The following B4GALT6 variants were observed in gnomAD, a reference collection of about 807,000 sequenced individuals.
B4GALT6 encodes UDP-Gal:beta-GlcNAc beta-1,4-galactosyltransferase 6.
Under a neutral mutation model 46.3 loss-of-function variants are expected in B4GALT6, and 14 were observed. That is an observed-to-expected ratio of 0.30 (90% CI 0.20 to 0.47). The LOEUF (loss-of-function observed/expected upper bound fraction) is 0.47. B4GALT6 is among the 20% of genes least tolerant of loss of function. The pLI, the probability that B4GALT6 is intolerant of heterozygous loss-of-function variation, is 0.99. For synonymous variants in B4GALT6, 168 were observed against 162.0 expected, an observed-to-expected ratio of 1.04 and a Z score of -0.28; for missense variants, 386 against 480.1, an observed-to-expected ratio of 0.80 and a Z score of 1.83.
At chr18:31,648,134 C>A (rs2074015420) in intron 3 of B4GALT6, among the ~76,000 whole-genome samples, 1 of 152,190 alleles carries the variant, frequency 6.6e-6, no homozygotes, top group African/African-American at 2.4e-5. Context: ...ATCCACTGAA[C>A]TCCATGGAGA....
At chr18:31,629,186 A>G (rs1330587629) in intron 6 of B4GALT6, among the ~76,000 whole-genome samples, 1 of 152,142 alleles carries the variant, frequency 6.6e-6, no homozygotes, top group Non-Finnish European at 1.5e-5. Flanking sequence ...TCAATTGTTT[A>G]TATTATTGGT....
At chr18:31,693,145 C>T in the B4GALT6 span, among the ~76,000 whole-genome samples, 3 of 152,154 alleles carry the variant, frequency 2.0e-5, no homozygotes, top group Non-Finnish European at 4.4e-5. Context: ...TTGTTTGTAC[C>T]TTAACTTTGG....
the B4GALT6 span, among the ~76,000 whole-genome samples, chr18:31,698,804 T>C: frequency 1.8e-4 from 27 of 151,942 alleles, no homozygotes; most frequent in African/African-American, 5.5e-4. Context: ...GCACAGTGAC[T>C]CATGCCTGTA....
chr18:31,626,896 C>CT, intron 7 of B4GALT6, 103 bp downstream of exon 7: 1 of 967,854 alleles, frequency 1.0e-6, no homozygotes, highest in Non-Finnish European at 1.5e-6. Context: ...CAAACATATC[C>CT]CATCCCAAAG....
intron 1 of B4GALT6, among the ~76,000 whole-genome samples, chr18:31,669,612 A>G (rs1015428084): frequency 3.3e-5 from 5 of 152,220 alleles, no homozygotes; most frequent in African/African-American, 1.2e-4. Context: ...CATGGAAGAA[A>G]AGAGACGAAG....
At position 31,625,444 on chromosome 18, in the gene B4GALT6, GGT is replaced by G; in HGVS notation, c.*168_*169del. On this transcript the variant is annotated 3_prime_UTR_variant, in exon 9 of 9. Transcript: ENST00000306851. The stretch of plus-strand genomic sequence containing the variant: ...GGTGTGTCTCAGAGCAGGGAGGACG[GGT>G]GAGAGAAGGGTGACTGTATATAGTC... 2 of 622,068 alleles carry G rather than the reference GGT, an allele frequency of 3.2e-6. No individual in the cohort carries two copies. The highest frequency in any genetic ancestry group is 5.2e-6 in the Non-Finnish European group (2 of 381,986). 38.5% of individuals were successfully genotyped at this position (622,068 alleles called of 1,614,324 possible). A position where few individuals can be genotyped will look rare whatever the true frequency, so the allele number is the denominator to read the frequency against.
intron 1 of B4GALT6, among the ~76,000 whole-genome samples, chr18:31,674,708 T>A (rs1389043110): frequency 6.6e-6 from 1 of 152,210 alleles, no homozygotes; most frequent in East Asian, 1.9e-4. Flanking sequence ...AAGGAAAATA[T>A]GTTATCTTCA....
At chr18:31,636,286 T>C (rs1165000190) in intron 5 of B4GALT6, among the ~76,000 whole-genome samples, 1 of 152,144 alleles carries the variant, frequency 6.6e-6, no homozygotes, top group Non-Finnish European at 1.5e-5. Flanking sequence ...ACATTGGACT[T>C]CATCAAAATT....
intron 3 of B4GALT6, among the ~76,000 whole-genome samples, chr18:31,654,745 G>C (rs995689269): frequency 6.6e-6 from 1 of 152,140 alleles, no homozygotes; most frequent in Non-Finnish European, 1.5e-5. Context: ...TTTCATCTAA[G>C]TAGATCTAAT....
chr18:31,675,994 A>C (rs1414065698), intron 1 of B4GALT6, among the ~76,000 whole-genome samples: 1 of 152,198 alleles, frequency 6.6e-6, no homozygotes, highest in East Asian at 1.9e-4. Flanking sequence ...GAATCAGAGA[A>C]GGGAACTGGG....
intron 1 of B4GALT6, among the ~76,000 whole-genome samples, chr18:31,667,912 T>C (rs983824710): frequency 1.3e-5 from 2 of 152,038 alleles, no homozygotes; most frequent in African/African-American, 2.4e-5. Flanking sequence ...CTGGCCAACA[T>C]GGTGAAACCC....
rs906715504 is a variant in B4GALT6, at chr18:31,627,140, G to A, written c.777-19C>T. ...TGGAAGACTAGAAAAGAAAGACACA[G>A]TATTCTAAAAATAAAATCATAATAA... On this transcript the variant is annotated intron_variant, in intron 6 of 8. Coordinates refer to ENST00000306851, the MANE Select transcript of B4GALT6 (RefSeq NM_004775.5). 3 of 1,571,078 alleles carry A rather than the reference G, an allele frequency of 1.9e-6. No homozygotes were observed. Among genetic ancestry groups the A allele is most frequent in the Non-Finnish European group, 2.6e-6 (3 of 1,163,642 alleles).
chr18:31,627,356 A>G (rs1598861353), intron 6 of B4GALT6, among the ~76,000 whole-genome samples: 4 of 152,158 alleles, frequency 2.6e-5, no homozygotes, highest in Non-Finnish European at 5.9e-5. Flanking sequence ...TAAATTTAAT[A>G]TTTAGTATAC....
chr18:31,717,026 G>A, the B4GALT6 span, among the ~76,000 whole-genome samples: 8 of 152,056 alleles, frequency 5.3e-5, no homozygotes, highest in South Asian at 1.7e-3. Context: ...TTGAATCTGG[G>A]GGTGGGGCGG....
chr18:31,688,377 CT>C (rs1418055277), upstream of B4GALT6, among the ~76,000 whole-genome samples: 1 of 151,192 alleles, frequency 6.6e-6, no homozygotes, highest in African/African-American at 2.4e-5. Flanking sequence ...ATATTGGTCC[CT>C]GTATCTTATT....
chr18:31,658,751 T>C (rs1454166029), intron 2 of B4GALT6, among the ~76,000 whole-genome samples: 1 of 152,208 alleles, frequency 6.6e-6, no homozygotes, highest in Non-Finnish European at 1.5e-5. Context: ...AGCTGTGTGA[T>C]ACAGGGCAGG....
Position 31,638,746 on chromosome 18 carries a change from A to C in B4GALT6, c.486T>G (p.Ile162Met). 2.5e-6 allele frequency: 4 copies of C among 1,613,244 alleles called. No individual in the cohort carries two copies. Among genetic ancestry groups the C allele is most frequent in the Non-Finnish European group, 3.4e-6 (4 of 1,179,194 alleles). The stretch of plus-strand genomic sequence containing the variant: ...GATGTTCATGGCGATTACGGAAAGG[A>C]ATGAGAACTGCCACCTTTAAAACAA... ...CKPRWKVAVL[I>M]PFRNRHEHLP... The change falls in exon 5 of 9, where the codon ATT becomes ATG. Residue 162 changes from isoleucine (I) to methionine (M), a missense_variant. Physicochemically the swap from Ile to Met is conservative, Grantham distance 10. Around this residue, in one of 2 missense-constraint regions of B4GALT6, gnomAD observed 323 missense variants for 438.9 expected, o/e 0.74. Coordinates refer to ENST00000306851, the MANE Select transcript of B4GALT6 (RefSeq NM_004775.5).
At position 31,666,275 on chromosome 18, in the gene B4GALT6, GT is replaced by G; in HGVS notation, c.212del (p.Asn71ThrfsTer53). ...GHMIRLYTNK[N>X]STLNGTDYPE... Reference sequence around the variant, plus strand: ...TCTTACCTGTACCGTTGAGCGTACTGTTTTTATTTGTGTACAGCCTGATCAT... The same window carrying G: ...TCTTACCTGTACCGTTGAGCGTACTGTTTTATTTGTGTACAGCCTGATCAT... On this transcript the variant is annotated frameshift_variant, in exon 2 of 9. Transcript: ENST00000306851. LOFTEE classifies it high-confidence loss of function. 1.3e-6 allele frequency: 2 copies of G among 1,599,302 alleles called. No homozygotes were observed. Among genetic ancestry groups the G allele is most frequent in the South Asian group, 1.1e-5 (1 of 88,398 alleles).
chr18:31,635,863 A>C (rs563337031), intron 5 of B4GALT6, among the ~76,000 whole-genome samples: 1 of 152,228 alleles, frequency 6.6e-6, no homozygotes, highest in African/African-American at 2.4e-5. Context: ...AGAGAAGATA[A>C]AAGTATCTAA....
Sources: gnomAD v4.1 joint callset for allele counts (sites outside exome capture counted in the v4.1 genomes callset) on GRCh38, gnomAD v4.1.1 for gene constraint, gnomAD v4.1.1 regional missense constraint, MANE v1.5 for transcripts, NCBI Gene and HGNC (gene_info 2026-07-23, HGNC 2026-07-21) for gene names.